Variants in TRIO observed in about 807,000 individuals in gnomAD.
TRIO encodes the protein triple functional domain protein.
TRIO carries 58 observed loss-of-function variants against 351.9 expected under a neutral mutation model. The ratio of observed to expected loss-of-function variants is 0.16; its 90% CI spans 0.13 to 0.21. TRIO has a LOEUF of 0.21. Among genes scored for constraint, TRIO ranks in the 10% least tolerant of loss-of-function variants. TRIO has a pLI of 1.00. For missense variants in TRIO, 3,201 were observed against 4,027.8 expected, an observed-to-expected ratio of 0.79 and a Z score of 5.56; for synonymous variants, 1,758 against 1,595.7, an observed-to-expected ratio of 1.10 and a Z score of -2.42.
chr5:14,234,785 A>G (rs543051455), intron 1 of TRIO, among the ~76,000 whole-genome samples: 6 of 152,352 alleles, frequency 3.9e-5, no homozygotes, highest in East Asian at 3.9e-4. Flanking sequence ...CATTTCACAG[A>G]GGTGTGGAAC....
chr5:14,341,221 C>CT (rs1469266412), intron 11 of TRIO, among the ~76,000 whole-genome samples: 2 of 152,130 alleles, frequency 1.3e-5, no homozygotes, highest in Non-Finnish European at 1.5e-5. Flanking sequence ...GCTATTTGTC[C>CT]TTTTTTGTTT....
At chr5:14,348,635 C>G (rs904124759) in intron 11 of TRIO, among the ~76,000 whole-genome samples, 3 of 152,200 alleles carry the variant, frequency 2.0e-5, no homozygotes, top group Non-Finnish European at 4.4e-5. Context: ...TGTACACAAA[C>G]ATGCATGTGA....
chr5:14,423,053 C>T (rs1006894520), intron 34 of TRIO, among the ~76,000 whole-genome samples: 1 of 152,216 alleles, frequency 6.6e-6, no homozygotes, highest in East Asian at 1.9e-4. Flanking sequence ...TGTCTGATGG[C>T]GCCTTCTGCT....
chr5:14,487,781 G>T lies in TRIO; in HGVS notation c.7153G>T (p.Ala2385Ser), dbSNP rs776998623. The T allele has an allele frequency of 7.3e-7, 1 of 1,374,656 alleles. No homozygotes were observed. Among genetic ancestry groups the T allele is most frequent in the Non-Finnish European group, 9.4e-7 (1 of 1,062,416 alleles). 85.2% of individuals were successfully genotyped at this position (1,374,656 alleles called of 1,614,324 possible). The part of the protein sequence containing the change: ...SLPPPGAAPE[A>S]GPSAPSRRPP... ...GCCTCCCCCTGGCGCGGCCCCCGAG[G>T]CCGGCCCCAGCGCGCCCAGCAGGCG... The change falls in exon 48 of 57, where the codon GCC becomes TCC. Residue 2385 changes from alanine (A) to serine (S), a missense_variant. Physicochemically the swap from Ala to Ser is moderately conservative, Grantham distance 99 (BLOSUM62 1). Coordinates refer to ENST00000344204, the MANE Select transcript of TRIO (RefSeq NM_007118.4).
intron 37 of TRIO, among the ~76,000 whole-genome samples, chr5:14,469,619 T>C (rs191592873): frequency 4.9e-4 from 75 of 152,322 alleles, no homozygotes; most frequent in Middle Eastern, 3.4e-3. Context: ...GTGACAGCCT[T>C]CTCACACACA....
At chr5:14,442,709 T>C (rs1752161504) in intron 34 of TRIO, among the ~76,000 whole-genome samples, 1 of 152,222 alleles carries the variant, frequency 6.6e-6, no homozygotes, top group Admixed American at 6.5e-5. Context: ...TAGGAATTCC[T>C]GCACTGGGTG....
chr5:14,316,836 G>C, intron 9 of TRIO, 93 bp downstream of exon 9: 1 of 1,357,442 alleles, frequency 7.4e-7, no homozygotes. Context: ...TGTGCTTAAG[G>C]AGTGATGACT....
chr5:14,339,082 A>T lies in TRIO; in HGVS notation c.2046+2355A>T, dbSNP rs372526210. Among the ~76,000 whole-genome samples, 23 of 150,926 alleles carry T rather than the reference A, an allele frequency of 1.5e-4. 1 individual carries two copies. The highest frequency in any genetic ancestry group is 2.1e-4 in the South Asian group (1 of 4,764). ...CAAAAGCTGTTACCTACAAATAATTAAAAAAAAAATTAGCCGGGTGTGGTG... is the reference window on the plus strand; with the variant it reads ...CAAAAGCTGTTACCTACAAATAATTTAAAAAAAAATTAGCCGGGTGTGGTG... On this transcript the variant is annotated intron_variant, in intron 11 of 56. Transcript: ENST00000344204.
At chr5:14,448,653 T>C (rs1035967534) in intron 34 of TRIO, among the ~76,000 whole-genome samples, 7 of 152,176 alleles carry the variant, frequency 4.6e-5, no homozygotes, top group Admixed American at 2.6e-4. Context: ...TAAAGAGCCA[T>C]GTGGACTGCG....
chr5:14,482,584 G>A lies in TRIO; in HGVS notation c.6468G>A (p.Gly2156=), dbSNP rs745378117. The change falls in exon 46 of 57, where the codon GGG becomes GGA. Residue 2156 remains glycine, a splice_region_variant and synonymous_variant. Transcript: ENST00000344204. ...TCCCCCTTTATTTCTTGTTTTAGGG[G>A]AAAATCGTTGCCCAGGGTAAACTGC... The part of the protein sequence containing the change: ...MNVGRLQGFD[G]KIVAQGKLLL... 7 of 1,438,726 alleles carry A rather than the reference G, an allele frequency of 4.9e-6. No individual in the cohort carries two copies. Among genetic ancestry groups the A allele is most frequent in the South Asian group, 1.6e-5 (1 of 64,232 alleles). The allele number at this position is 1,438,726 out of a possible 1,614,324, so 89.1% of individuals were successfully genotyped here.
intron 31 of TRIO, among the ~76,000 whole-genome samples, chr5:14,402,995 G>GA (rs1748220972): frequency 1.3e-5 from 2 of 151,974 alleles, no homozygotes; most frequent in Non-Finnish European, 2.9e-5. Context: ...AGATGGTGGT[G>GA]AGGGTGCAGG....
At chr5:14,396,618 T>C (rs1747620033) in intron 28 of TRIO, among the ~76,000 whole-genome samples, 1 of 151,216 alleles carries the variant, frequency 6.6e-6, no homozygotes, top group Non-Finnish European at 1.5e-5. Flanking sequence ...TACAGGTGCA[T>C]GCCACCATGC....
chr5:14,346,062 G>A (rs35331187), intron 11 of TRIO, among the ~76,000 whole-genome samples: 60 of 152,234 alleles, frequency 3.9e-4, no homozygotes, highest in Non-Finnish European at 7.5e-4. Flanking sequence ...GGCCAACAAT[G>A]TATTAGCTAG....
intron 36 of TRIO, among the ~76,000 whole-genome samples, chr5:14,465,094 G>A (rs1410317530): frequency 2.0e-5 from 3 of 151,882 alleles, no homozygotes; most frequent in Non-Finnish European, 4.4e-5. Flanking sequence ...CATAAACACA[G>A]TAAAGCCATT....
At chr5:14,443,714 C>G (rs1305637575) in intron 34 of TRIO, among the ~76,000 whole-genome samples, 3 of 152,226 alleles carry the variant, frequency 2.0e-5, no homozygotes, top group African/African-American at 7.2e-5. Flanking sequence ...TGCACAGAAG[C>G]CTGTTTTATG....
intron 47 of TRIO, among the ~76,000 whole-genome samples, chr5:14,486,502 C>A (rs1057157461): frequency 1.3e-5 from 2 of 152,188 alleles, no homozygotes; most frequent in African/African-American, 4.8e-5. Flanking sequence ...AGGCACAGTT[C>A]CTCAGGTGCG....
chr5:14,354,219 C>G (rs1208523520), intron 11 of TRIO, among the ~76,000 whole-genome samples: 1 of 152,218 alleles, frequency 6.6e-6, no homozygotes, highest in African/African-American at 2.4e-5. Context: ...CGAGGTGTGT[C>G]CTGTCCAGGG....
intron 1 of TRIO, among the ~76,000 whole-genome samples, chr5:14,264,499 A>G (rs1293274024): frequency 6.6e-6 from 1 of 152,088 alleles, no homozygotes; most frequent in Non-Finnish European, 1.5e-5. Context: ...TGCATTTTAT[A>G]AGTGTGGATT....
chr5:14,303,313 G>A (rs1348225782), intron 7 of TRIO, among the ~76,000 whole-genome samples: 1 of 144,062 alleles, frequency 6.9e-6, no homozygotes, highest in Non-Finnish European at 1.5e-5. Flanking sequence ...GCCGGGATTG[G>A]GATGGCTGCC....
Sources: gnomAD v4.1 joint callset for allele counts (sites outside exome capture counted in the v4.1 genomes callset) on GRCh38, gnomAD v4.1.1 for gene constraint, MANE v1.5 for transcripts, NCBI Gene and HGNC (gene_info 2026-07-23, HGNC 2026-07-21) for gene names.